SYTL4: variants seen among roughly 807,000 people sequenced by gnomAD.
SYTL4 encodes the protein synaptotagmin like 4, also known as synaptotagmin-like protein 4.
In SYTL4, 16 loss-of-function variants were observed where a neutral mutation model predicts 52.7. The ratio of observed to expected loss-of-function variants is 0.30; its 90% CI spans 0.21 to 0.46. The LOEUF (loss-of-function observed/expected upper bound fraction) is 0.46, where lower values mean the gene tolerates loss of function less well. Among genes scored for constraint, SYTL4 ranks in the 20% least tolerant of loss-of-function variants. SYTL4 has a pLI of 1.00. For synonymous variants in SYTL4, 160 were observed against 186.6 expected (o/e 0.86, Z 1.16); for missense variants, 423 against 519.9 (o/e 0.81, Z 1.81).
chrX:100,686,092 A>G lies in SYTL4; in HGVS notation c.1347T>C (p.His449=), dbSNP rs1351569129. 4.1e-6 allele frequency: 5 copies of G among 1,209,168 alleles called. No homozygotes were observed. The highest frequency in any genetic ancestry group is 5.6e-6 in the Non-Finnish European group (5 of 894,755). Reference sequence around the variant, plus strand: ...GGAAAGTGTTTCTGCCAAAACGACCATGATGCCAAACTGAGAACTGCAGGG... The same window carrying G: ...GGAAAGTGTTTCTGCCAAAACGACCGTGATGCCAAACTGAGAACTGCAGGG... ...QRTLQFSVWH[H]GRFGRNTFLG... Residue 449 remains histidine, a synonymous_variant, in exon 16 of 20, where the codon CAT becomes CAC. Coordinates refer to ENST00000372989, the MANE Select transcript of SYTL4 (RefSeq NM_001370165.1).
chrX:100,681,890 CTTATA>C (rs1471513150), intron 16 of SYTL4, among the ~76,000 whole-genome samples: 1 of 112,410 alleles, frequency 8.9e-6, no homozygotes, highest in Non-Finnish European at 1.9e-5. Context: ...AAATGTTCCA[CTTATA>C]TTAAAATATA....
intron 2 of SYTL4, among the ~76,000 whole-genome samples, chrX:100,706,912 C>T (rs1462414529): frequency 1.8e-5 from 2 of 111,348 alleles, no homozygotes; most frequent in Non-Finnish European, 3.8e-5. Context: ...AAGATCACTA[C>T]ATAGAGATAA....
intron 2 of SYTL4, among the ~76,000 whole-genome samples, chrX:100,730,165 C>G (rs993813322): frequency 9.0e-6 from 1 of 111,078 alleles, no homozygotes; most frequent in Non-Finnish European, 1.9e-5. Flanking sequence ...TACCACAGAG[C>G]TGAAAACCCG....
chrX:100,690,926 A>T (rs763456613), intron 9 of SYTL4, among the ~76,000 whole-genome samples, 182 bp downstream of exon 9: 1 of 112,826 alleles, frequency 8.9e-6, no homozygotes, highest in African/African-American at 3.2e-5. Context: ...AGAGATGTCA[A>T]TGTGTTCCAG....
intron 2 of SYTL4, among the ~76,000 whole-genome samples, chrX:100,728,820 G>A (rs1014682056): frequency 5.4e-5 from 6 of 111,356 alleles, no homozygotes; most frequent in Admixed American, 2.9e-4. Context: ...GGCAGATCAC[G>A]AGGTCAGAAG....
chrX:100,689,870 G>C lies in SYTL4; in HGVS notation c.898C>G (p.Leu300Val), dbSNP rs756069824. The change falls in exon 12 of 20, where the codon CTC (leucine) becomes GTC (valine). Residue 300 changes from leucine to valine, a missense_variant. Leu to Val is a conservative substitution (Grantham distance 32). Coordinates refer to ENST00000372989, the MANE Select transcript of SYTL4 (RefSeq NM_001370165.1). Reference sequence around the variant, plus strand: ...AGGGCACCTACCATATCCACATTGAGGCCTGGGACGGATTTGCTTCTGTCT... The same window carrying C: ...AGGGCACCTACCATATCCACATTGACGCCTGGGACGGATTTGCTTCTGTCT... ...LGDRSKSVPG[L>V]NVDMEEEEEE... The C allele has an allele frequency of 8.3e-7, 1 of 1,201,332 alleles. No individual in the cohort carries two copies. Among genetic ancestry groups the C allele is most frequent in the East Asian group, 3.0e-5 (1 of 33,800 alleles).
At chrX:100,678,185 T>C (rs952610460) in intron 19 of SYTL4, among the ~76,000 whole-genome samples, 1 of 111,711 alleles carries the variant, frequency 9.0e-6, no homozygotes, top group Admixed American at 9.5e-5. Flanking sequence ...GTCACATTTA[T>C]CTGTGCACAT....
chrX:100,681,468 A>G (rs2083374164), intron 16 of SYTL4, 133 bp from the exon 17 acceptor site: 2 of 472,283 alleles, frequency 4.2e-6, no homozygotes. Flanking sequence ...TCATATGAAT[A>G]TAATCCACCG....
intron 2 of SYTL4, among the ~76,000 whole-genome samples, chrX:100,713,546 G>A (rs1476182995): frequency 9.0e-6 from 1 of 110,736 alleles, no homozygotes; most frequent in Non-Finnish European, 1.9e-5. Context: ...AACCTGGGAG[G>A]TGGAGGTTGC....
At position 100,675,925 on chromosome X, in the gene SYTL4, CACAT is replaced by C; in HGVS notation, c.*99_*102del. The C allele has an allele frequency of 2.2e-5, 18 of 804,214 alleles. No homozygotes were observed. The highest frequency in any genetic ancestry group is 2.8e-5 in the Non-Finnish European group (16 of 571,181). The allele number at this position is 804,214 out of a possible 1,213,427, so 66.3% of individuals were successfully genotyped here. ...ACACACACACACACACACACATACA[CACAT>C]ACACACATACACATTAAATTATAAA... On this transcript the variant is annotated 3_prime_UTR_variant, in exon 20 of 20. Coordinates refer to ENST00000372989, the MANE Select transcript of SYTL4 (RefSeq NM_001370165.1).
intron 2 of SYTL4, among the ~76,000 whole-genome samples, chrX:100,723,931 C>T (rs1441959831): frequency 9.8e-6 from 1 of 101,813 alleles, no homozygotes; most frequent in Non-Finnish European, 2.0e-5. Flanking sequence ...GGGGTCAGCC[C>T]CCGCCAGGCC....
intron 2 of SYTL4, among the ~76,000 whole-genome samples, chrX:100,711,057 G>T (rs752966351): frequency 1.8e-5 from 2 of 111,826 alleles, no homozygotes; most frequent in South Asian, 7.5e-4. Flanking sequence ...AAAACGTCAT[G>T]ATTCACGGGA....
Position 100,688,414 on chromosome X carries a change from G to A in SYTL4, c.942C>T (p.Asp314=), listed in dbSNP as rs900943320. 8.3e-7 allele frequency: 1 copy of A among 1,209,354 alleles called. No individual in the cohort carries two copies. The highest frequency in any genetic ancestry group is 1.8e-5 in the South Asian group (1 of 56,735). The part of the protein sequence containing the change: ...MEEEEEEEDI[D]HLVKLHRQKL... ...TCTGGCGATGTAACTTCACTAGGTG[G>A]TCAATGTCTTCTTCTTCTTCTTCCT... Residue 314 remains aspartate, a synonymous_variant, in exon 13 of 20, where the codon GAC becomes GAT. Transcript: ENST00000372989.
chrX:100,696,984 C>T (rs2083718684), intron 8 of SYTL4, among the ~76,000 whole-genome samples: 2 of 111,991 alleles, frequency 1.8e-5, no homozygotes, highest in Non-Finnish European at 3.8e-5. Context: ...TTTCAAAAAT[C>T]GCACCTAAGA....
chrX:100,698,406 A>C (rs1488190839), intron 8 of SYTL4, among the ~76,000 whole-genome samples: 1 of 112,029 alleles, frequency 8.9e-6, no homozygotes, highest in Non-Finnish European at 1.9e-5. Context: ...CCCAGCCCTT[A>C]AATTACTAAA....
chrX:100,691,093 TG>T lies in SYTL4; in HGVS notation c.641+14del. The T allele has an allele frequency of 2.6e-6, 3 of 1,168,994 alleles. No individual in the cohort carries two copies. Among genetic ancestry groups the T allele is most frequent in the Non-Finnish European group, 3.5e-6 (3 of 861,537 alleles). On this transcript the variant is annotated intron_variant, in intron 9 of 19. Transcript: ENST00000372989. ...TTGGGTTGAGAGGAGATGAGGGAAA[TG>T]GGGGGAACCCCACCTGGAGGTGCTA...
At chrX:100,696,907 A>G (rs1268452420) in intron 8 of SYTL4, among the ~76,000 whole-genome samples, 1 of 111,335 alleles carries the variant, frequency 9.0e-6, no homozygotes, top group East Asian at 2.8e-4. Context: ...CCACACACAC[A>G]CCATACAAAA....
chrX:100,708,080 G>T (rs1465863119), intron 2 of SYTL4, among the ~76,000 whole-genome samples: 4 of 107,785 alleles, frequency 3.7e-5, no homozygotes, highest in East Asian at 2.9e-4. Context: ...TGTCGGGGGT[G>T]GGGGGCTAGG....
In SYTL4 at chrX:100,679,355, G is replaced by A. The variant is rs769237439; in HGVS notation, c.1616C>T (p.Thr539Met). The change falls in exon 18 of 20, where the codon ACG becomes ATG. Residue 539 changes from threonine (T) to methionine (M), a missense_variant. Coordinates refer to ENST00000372989, the MANE Select transcript of SYTL4 (RefSeq NM_001370165.1). ...TGAAGTCCCTCCTGCTTTGGCAGCC[G>A]TCAAGTTCTTGGCTTCTTTGATCCA... is the stretch of plus-strand genomic sequence containing the variant. ...QVWIKEAKNL[T>M]AAKAGGTSDS... 8.7e-5 allele frequency: 105 copies of A among 1,209,267 alleles called. No individual in the cohort carries two copies. The highest frequency in any genetic ancestry group is 1.1e-4 in the Non-Finnish European group (96 of 894,786).
Sources: allele counts gnomAD v4.1 joint callset (sites outside exome capture counted in the v4.1 genomes callset), GRCh38; gene constraint gnomAD v4.1.1; transcripts MANE v1.5; gene names NCBI Gene and HGNC (gene_info 2026-07-23, HGNC 2026-07-21).